YAE1: variants seen among roughly 807,000 people sequenced by gnomAD.
The protein encoded by YAE1 is protein YAE1 homolog.
Under a neutral mutation model 23.0 loss-of-function variants are expected in YAE1, and 22 were observed. The ratio of observed to expected loss-of-function variants is 0.96; its 90% CI spans 0.68 to 1.37. The LOEUF (loss-of-function observed/expected upper bound fraction) is 1.37. Among genes scored for constraint, YAE1 ranks in the 40% most tolerant of loss-of-function variants. The pLI, the probability that YAE1 is intolerant of heterozygous loss-of-function variation, is 0.00. For missense variants in YAE1, 260 were observed against 262.1 expected (o/e 0.99, Z 0.06); for synonymous variants, 101 against 97.0 (o/e 1.04, Z -0.24).
chr7:39,582,438 A>G (rs1790759398), intron 2 of YAE1, among the ~76,000 whole-genome samples: 1 of 152,242 alleles, frequency 6.6e-6, no homozygotes, highest in Admixed American at 6.5e-5. Context: ...AGGAAAACTC[A>G]TTTAATTCAT....
intron 2 of YAE1, among the ~76,000 whole-genome samples, chr7:39,591,120 T>A (rs1320331434): frequency 6.6e-6 from 1 of 152,222 alleles, no homozygotes; most frequent in Non-Finnish European, 1.5e-5. Context: ...TGTGCACATG[T>A]GTTGGGGTGT....
intron 2 of YAE1, among the ~76,000 whole-genome samples, chr7:39,593,013 G>A (rs1407109955): frequency 6.6e-6 from 1 of 151,190 alleles, no homozygotes; most frequent in Non-Finnish European, 1.5e-5. Context: ...TTTCTCCCAG[G>A]CTTTCTTCTC....
intron 2 of YAE1, among the ~76,000 whole-genome samples, chr7:39,581,379 A>G (rs1048499579): frequency 5.3e-5 from 8 of 152,248 alleles, no homozygotes; most frequent in Admixed American, 4.6e-4. Flanking sequence ...AGATTTGACA[A>G]TAGTATAATG....
intron 2 of YAE1, among the ~76,000 whole-genome samples, chr7:39,592,836 G>T (rs1224623034): frequency 6.6e-6 from 1 of 152,000 alleles, no homozygotes; most frequent in Non-Finnish European, 1.5e-5. Context: ...AGTTCTCTTT[G>T]CACTTATCCT....
chr7:39,608,420 G>A (rs1380011703), intron 2 of YAE1, among the ~76,000 whole-genome samples: 1 of 152,166 alleles, frequency 6.6e-6, no homozygotes, highest in Non-Finnish European at 1.5e-5. Context: ...GCAGTGAAGA[G>A]CAGATGGAGT....
chr7:39,581,638 G>A (rs778312348), intron 2 of YAE1, among the ~76,000 whole-genome samples: 1 of 152,082 alleles, frequency 6.6e-6, no homozygotes, highest in Non-Finnish European at 1.5e-5. Context: ...TTGGGAAGCT[G>A]AGACAGGTGG....
chr7:39,609,092 C>T (rs1791168573), intron 2 of YAE1, among the ~76,000 whole-genome samples: 1 of 152,166 alleles, frequency 6.6e-6, no homozygotes, highest in Admixed American at 6.5e-5. Flanking sequence ...CTTTGCACTC[C>T]AGCCCGCCAG....
At chr7:39,593,852 C>G (rs7809088) in intron 2 of YAE1, among the ~76,000 whole-genome samples, 102,507 of 152,128 alleles carry the variant, frequency 0.67, 35,692 homozygotes, top group East Asian at 0.77. Context: ...GGTATAGTTA[C>G]GATAACTGCC....
chr7:39,585,235 A>G (rs571385237), intron 2 of YAE1, among the ~76,000 whole-genome samples: 27 of 152,252 alleles, frequency 1.8e-4, no homozygotes, highest in African/African-American at 6.3e-4. Context: ...TGAATATTTC[A>G]TAATCCCATA....
At chr7:39,571,719 A>G (rs1415827915) in intron 2 of YAE1, among the ~76,000 whole-genome samples, 1 of 152,216 alleles carries the variant, frequency 6.6e-6, no homozygotes, top group East Asian at 1.9e-4. Flanking sequence ...TAGGACTAGA[A>G]GAATTTTTAC....
At chr7:39,592,709 G>A (rs1790918080) in intron 2 of YAE1, among the ~76,000 whole-genome samples, 1 of 151,454 alleles carries the variant, frequency 6.6e-6, no homozygotes, top group South Asian at 2.1e-4. Context: ...CTTCTAGTAA[G>A]AAGTCAGCTG....
At chr7:39,589,384 C>T (rs562711804) in intron 2 of YAE1, among the ~76,000 whole-genome samples, 1 of 152,244 alleles carries the variant, frequency 6.6e-6, no homozygotes, top group East Asian at 1.9e-4. Flanking sequence ...TCTCCCACCT[C>T]AGCCTCCCAA....
intron 2 of YAE1, among the ~76,000 whole-genome samples, chr7:39,572,048 GA>G (rs1459331045): frequency 6.6e-6 from 1 of 152,124 alleles, no homozygotes; most frequent in East Asian, 1.9e-4. Flanking sequence ...TGTCCTTAAA[GA>G]AGAAACTAAT....
chr7:39,590,613 A>G (rs1323272180), intron 2 of YAE1, among the ~76,000 whole-genome samples: 2 of 152,208 alleles, frequency 1.3e-5, no homozygotes, highest in Admixed American at 6.5e-5. Context: ...CATGACATTC[A>G]TTTATGTTTC....
chr7:39,588,651 A>G (rs1320107325), intron 2 of YAE1, among the ~76,000 whole-genome samples: 1 of 152,182 alleles, frequency 6.6e-6, no homozygotes. Context: ...TGTATCAAGT[A>G]TGTGGATATT....
intron 2 of YAE1, among the ~76,000 whole-genome samples, chr7:39,585,954 A>C (rs886490140): frequency 2.0e-5 from 3 of 151,980 alleles, no homozygotes; most frequent in Non-Finnish European, 4.4e-5. Context: ...AAATACAAAA[A>C]TTAGGCATGG....
intron 2 of YAE1, among the ~76,000 whole-genome samples, chr7:39,585,105 A>G (rs1790796938): frequency 6.6e-6 from 1 of 152,252 alleles, no homozygotes; most frequent in African/African-American, 2.4e-5. Flanking sequence ...CATTGTTCTT[A>G]GACCATAGAG....
intron 2 of YAE1, among the ~76,000 whole-genome samples, chr7:39,583,919 G>A (rs1245611279): frequency 6.6e-6 from 1 of 152,174 alleles, no homozygotes; most frequent in African/African-American, 2.4e-5. Context: ...GACACTGCCT[G>A]CTACATGTTC....
chr7:39,572,670 A>G lies in YAE1; in HGVS notation c.645A>G (p.Leu215=). 4 of 1,608,018 alleles carry G rather than the reference A, an allele frequency of 2.5e-6. No homozygotes were observed. The highest frequency in any genetic ancestry group is 4.5e-5 in the East Asian group (2 of 44,858). ...QTASLVKQLG[L]SVDVLQHLKQ... is the part of the protein sequence containing the mutation. ...CCAGTTTAGTTAAACAGCTGGGCCT[A>G]TCAGTAGATGTATTACAACACCTCA... The change falls in exon 3 of 3, where the codon CTA becomes CTG. Residue 215 remains leucine (L), a synonymous_variant. Transcript: ENST00000223273.
Sources: gnomAD v4.1 joint callset for allele counts (sites outside exome capture counted in the v4.1 genomes callset) on GRCh38, gnomAD v4.1.1 for gene constraint, MANE v1.5 for transcripts, NCBI Gene and HGNC (gene_info 2026-07-23, HGNC 2026-07-21) for gene names.